DOP1A: variants seen among roughly 807,000 people sequenced by gnomAD.
DOP1A encodes the protein protein DOP1A.
DOP1A carries 90 observed loss-of-function variants against 267.6 expected under a neutral mutation model. That is an observed-to-expected ratio of 0.34 (90% CI 0.28 to 0.40). The LOEUF is 0.40. DOP1A is among the 10% of genes least tolerant of loss of function. The pLI is 1.00. For synonymous variants in DOP1A, 932 were observed against 999.1 expected (o/e 0.93, Z 1.27); for missense variants, 2,437 against 2,900.4 (o/e 0.84, Z 3.67).
At chr6:83,109,188 C>A in intron 5 of DOP1A, 108 bp downstream of exon 5, 1 of 894,382 alleles carries the variant, frequency 1.1e-6, no homozygotes. Flanking sequence ...CTAGACAGTT[C>A]AGTATATCAC....
chr6:83,145,288 A>C (rs2128297766), intron 24 of DOP1A, among the ~76,000 whole-genome samples: 1 of 106,488 alleles, frequency 9.4e-6, no homozygotes, highest in South Asian at 3.4e-4. Flanking sequence ...CTTTATATTA[A>C]ATAGAGGCCA....
intron 24 of DOP1A, 53 bp downstream of exon 24, chr6:83,142,099 C>G: frequency 6.3e-7 from 1 of 1,589,350 alleles, no homozygotes; most frequent in South Asian, 1.2e-5. Context: ...TGAGTACATG[C>G]TAATTTCCAC....
rs1779396825 is a variant in DOP1A, at chr6:83,140,223, T to G, written c.5235T>G (p.Leu1745=). 2.5e-6 allele frequency: 4 copies of G among 1,609,878 alleles called. No homozygotes were observed. Among genetic ancestry groups the G allele is most frequent in the Non-Finnish European group, 3.4e-6 (4 of 1,178,740 alleles). The change falls in exon 23 of 39, where the codon CTT becomes CTG. Residue 1745 remains leucine (L), a splice_region_variant and synonymous_variant. Transcript: ENST00000349129. The stretch of plus-strand genomic sequence containing the variant: ...TCTTTTCCCCCAACTGTTAATAGCT[T>G]TTGGTCAGTGTAGACCAGAAACACT... ...LLDPTTQYHQ[L]LVSVDQKHLF...
intron 4 of DOP1A, among the ~76,000 whole-genome samples, chr6:83,103,892 C>G (rs889771167): frequency 1.3e-5 from 2 of 152,156 alleles, no homozygotes; most frequent in Non-Finnish European, 2.9e-5. Context: ...CCCTCCTACC[C>G]CCTTCTAGTG....
At chr6:83,071,013 C>G (rs1219072196) in intron 1 of DOP1A, among the ~76,000 whole-genome samples, 1 of 152,106 alleles carries the variant, frequency 6.6e-6, no homozygotes, top group Non-Finnish European at 1.5e-5. Context: ...AGAAGGTGGA[C>G]GTATACGTAA....
At chr6:83,098,160 C>T (rs770193741) in intron 3 of DOP1A, among the ~76,000 whole-genome samples, 7 of 152,136 alleles carry the variant, frequency 4.6e-5, no homozygotes, top group Non-Finnish European at 7.3e-5. Context: ...GCTGGGATTA[C>T]AGGCATTAGC....
intron 1 of DOP1A, among the ~76,000 whole-genome samples, chr6:83,091,108 T>TAAA (rs771595947): frequency 7.5e-6 from 1 of 133,598 alleles, no homozygotes; most frequent in Non-Finnish European, 1.6e-5. Flanking sequence ...GGAAAAAAAT[T>TAAA]AAAAAAAAAA....
chr6:83,157,463 T>A, intron 35 of DOP1A, 145 bp downstream of exon 35: 1 of 862,106 alleles, frequency 1.2e-6, no homozygotes, highest in Non-Finnish European at 1.8e-6. Flanking sequence ...CAGTTGAAAA[T>A]AGTAAAACAA....
intron 7 of DOP1A, among the ~76,000 whole-genome samples, chr6:83,117,835 A>G (rs745452185): frequency 2.0e-5 from 3 of 152,232 alleles, no homozygotes; most frequent in African/African-American, 7.2e-5. Context: ...AATAGAAGGC[A>G]TTTGTGTTCA....
Position 83,138,644 on chromosome 6 carries a change from A to G in DOP1A, c.4602A>G (p.Ser1534=), listed in dbSNP as rs1174861108. The G allele has an allele frequency of 1.9e-6, 3 of 1,613,948 alleles. No homozygotes were observed. The highest frequency in any genetic ancestry group is 1.1e-5 in the South Asian group (1 of 91,076). The change falls in exon 21 of 39, where the codon TCA becomes TCG. Residue 1534 remains serine, a synonymous_variant. Coordinates refer to ENST00000349129, the MANE Select transcript of DOP1A (RefSeq NM_015018.4). ...AAGTGATTCTTCATTGTTTGCTGTCATCTATCTTTAGTGCTCAGAAATGGC... is the reference window on the plus strand; with the variant it reads ...AAGTGATTCTTCATTGTTTGCTGTCGTCTATCTTTAGTGCTCAGAAATGGC... ...VQKVILHCLL[S]SIFSAQKWHS...
intron 10 of DOP1A, 55 bp from the exon 11 acceptor site, chr6:83,121,875 G>T: frequency 1.3e-6 from 2 of 1,518,058 alleles, no homozygotes; most frequent in Non-Finnish European, 1.8e-6. Context: ...TTTCAGATAA[G>T]CATGATTTGC....
Position 83,159,842 on chromosome 6 carries a change from G to A in DOP1A, c.6844G>A (p.Gly2282Ser), listed in dbSNP as rs908737548. Residue 2282 changes from glycine (G) to serine (S), a missense_variant, in exon 37 of 39, where the codon GGT becomes AGT. Around this residue, in one of 9 missense-constraint regions of DOP1A, gnomAD observed 197 missense variants for 246.5 expected, o/e 0.80. Coordinates refer to ENST00000349129, the MANE Select transcript of DOP1A (RefSeq NM_015018.4). ...VAGLETTYTG[G>S]NGFSTSYNSQ... ...TGGTCTGGAGACAACGTACACAGGAGGTAATGGCTTCTCTACTTCATATAA... is the reference window on the plus strand; with the variant it reads ...TGGTCTGGAGACAACGTACACAGGAAGTAATGGCTTCTCTACTTCATATAA... 2.5e-5 allele frequency: 41 copies of A among 1,614,004 alleles called. No homozygotes were observed. Among genetic ancestry groups the A allele is most frequent in the Non-Finnish European group, 3.3e-5 (39 of 1,180,046 alleles).
At chr6:83,145,925 C>A (rs1231766776) in intron 25 of DOP1A, among the ~76,000 whole-genome samples, 1 of 152,182 alleles carries the variant, frequency 6.6e-6, no homozygotes, top group Non-Finnish European at 1.5e-5. Flanking sequence ...TGACTAAATT[C>A]TCAGGAGAGA....
At position 83,068,240 on chromosome 6, in the gene DOP1A, C is replaced by G. The variant is rs567908204; in HGVS notation, c.-147+461C>G. Among the ~76,000 whole-genome samples, 15 of 152,270 alleles carry G rather than the reference C, an allele frequency of 9.9e-5. No individual in the cohort carries two copies. The South Asian group carries it at 3.1e-3, about 32-fold the overall frequency. On this transcript the variant is annotated intron_variant, in intron 1 of 38. Transcript: ENST00000349129. The stretch of plus-strand genomic sequence containing the variant: ...GGGTTCTTTTAGCATTGAGGAGACA[C>G]GTAGGCCCGCGATGGTTCATGTTCT...
chr6:83,167,225 G>T (rs1785949796), intron 38 of DOP1A: 4 of 938,562 alleles, frequency 4.3e-6, no homozygotes, highest in Non-Finnish European at 5.1e-6. Flanking sequence ...GTATGGCAGA[G>T]CCAGCACACT....
intron 4 of DOP1A, among the ~76,000 whole-genome samples, chr6:83,107,122 G>T (rs576508058): frequency 6.6e-6 from 1 of 151,982 alleles, no homozygotes; most frequent in South Asian, 2.1e-4. Flanking sequence ...AAGCCAGAAG[G>T]TTAGTTAGAA....
chr6:83,125,310 A>T, intron 14 of DOP1A, 115 bp downstream of exon 14: 1 of 1,184,108 alleles, frequency 8.4e-7, no homozygotes. Flanking sequence ...GCTTTGAAGT[A>T]TTTAAATTGA....
At position 83,138,905 on chromosome 6, in the gene DOP1A, A is replaced by G. The variant is rs574721580; in HGVS notation, c.4863A>G (p.Gln1621=). 3 of 1,614,032 alleles carry G rather than the reference A, an allele frequency of 1.9e-6. No individual in the cohort carries two copies. The highest frequency in any genetic ancestry group is 4.5e-5 in the East Asian group (2 of 44,872). Residue 1621 remains glutamine (Q), a synonymous_variant, in exon 21 of 39, where the codon CAA becomes CAG. Coordinates refer to ENST00000349129, the MANE Select transcript of DOP1A (RefSeq NM_015018.4). The part of the protein sequence containing the change: ...VSDLEHISPH[Q]PMTSLQYLHA... ...ACTTAGAACACATCAGTCCCCATCA[A>G]CCCATGACTTCTCTTCAGTATTTGC...
chr6:83,086,397 G>A (rs1401840764), intron 1 of DOP1A, among the ~76,000 whole-genome samples: 1 of 152,188 alleles, frequency 6.6e-6, no homozygotes, highest in African/African-American at 2.4e-5. Context: ...TCTTCACTGT[G>A]AGTGGGCAGA....
Sources: allele counts gnomAD v4.1 joint callset (sites outside exome capture counted in the v4.1 genomes callset), GRCh38; gene constraint gnomAD v4.1.1; regional missense constraint gnomAD v4.1.1; transcripts MANE v1.5; gene names NCBI Gene and HGNC (gene_info 2026-07-23, HGNC 2026-07-21).